SGCZ: variants seen among roughly 807,000 people sequenced by gnomAD.
SGCZ encodes sarcoglycan zeta, also known as zeta-sarcoglycan.
A neutral mutation model predicts 41.3 loss-of-function variants in SGCZ; 40 were observed. The observed-to-expected ratio is 0.97, with a 90% CI of 0.75 to 1.26. The LOEUF (loss-of-function observed/expected upper bound fraction) is 1.26, where lower values mean the gene tolerates loss of function less well. Ranked by LOEUF, SGCZ falls within the 50% of genes most tolerant of loss-of-function variation. The pLI is 0.00. For synonymous variants in SGCZ, 206 were observed against 137.5 expected (o/e 1.50, Z -3.49); for missense variants, 552 against 369.8 (o/e 1.49, Z -4.04).
intron 1 of SGCZ, among the ~76,000 whole-genome samples, chr8:14,972,112 T>A (rs1158728168): frequency 1.3e-5 from 2 of 152,178 alleles, no homozygotes; most frequent in African/African-American, 2.4e-5. Context: ...TTTGGTATTA[T>A]TTCTTCCTTA....
intron 2 of SGCZ, among the ~76,000 whole-genome samples, chr8:14,506,761 A>C (rs2117064479): frequency 6.6e-6 from 1 of 152,234 alleles, no homozygotes; most frequent in Non-Finnish European, 1.5e-5. Flanking sequence ...TTTTATTTAA[A>C]CCAACGACAG....
At chr8:14,598,491 CTA>C (rs1042379136) in intron 1 of SGCZ, among the ~76,000 whole-genome samples, 4 of 147,894 alleles carry the variant, frequency 2.7e-5, no homozygotes, top group South Asian at 2.1e-4. Flanking sequence ...CTCTCTCTCT[CTA>C]TATATATACA....
intron 1 of SGCZ, among the ~76,000 whole-genome samples, chr8:14,889,486 T>C (rs974930811): frequency 1.1e-4 from 17 of 152,114 alleles, no homozygotes; most frequent in African/African-American, 3.9e-4. Flanking sequence ...TCACACTTCA[T>C]ATGTGTAAAC....
At chr8:14,706,856 T>C (rs1009299541) in intron 1 of SGCZ, among the ~76,000 whole-genome samples, 3 of 152,062 alleles carry the variant, frequency 2.0e-5, no homozygotes, top group African/African-American at 7.2e-5. Context: ...GTTAGTTTGA[T>C]TCAAATCTCT....
chr8:15,004,618 T>A (rs1208542762), intron 1 of SGCZ, among the ~76,000 whole-genome samples: 1 of 152,230 alleles, frequency 6.6e-6, no homozygotes, highest in Admixed American at 6.5e-5. Context: ...CGTTTCTCGC[T>A]ATATAAACTC....
intron 1 of SGCZ, among the ~76,000 whole-genome samples, chr8:15,010,913 G>C (rs1802804001): frequency 6.6e-6 from 1 of 152,144 alleles, no homozygotes; most frequent in African/African-American, 2.4e-5. Flanking sequence ...TCAAACTTTA[G>C]ATCCCTGGCT....
At chr8:14,784,851 G>A (rs1800704375) in intron 1 of SGCZ, among the ~76,000 whole-genome samples, 5 of 134,634 alleles carry the variant, frequency 3.7e-5, no homozygotes, top group African/African-American at 1.1e-4. Context: ...GTGGTGAGCC[G>A]AGATCATGCC....
chr8:14,921,213 A>G (rs1423287738), intron 1 of SGCZ, among the ~76,000 whole-genome samples: 2 of 152,150 alleles, frequency 1.3e-5, no homozygotes, highest in Non-Finnish European at 2.9e-5. Flanking sequence ...AGCAGCCCCA[A>G]ACAATGCTCC....
chr8:14,193,798 T>C lies in SGCZ; in HGVS notation c.425-29096A>G, dbSNP rs547755334. Among the ~76,000 whole-genome samples the C allele has an allele frequency of 8.8e-4, 134 of 152,068 alleles. 1 individual carries two copies. The highest frequency in any genetic ancestry group is 3.0e-3 in the African/African-American group (125 of 41,562). On this transcript the variant is annotated intron_variant, in intron 4 of 7. Coordinates refer to ENST00000382080, the MANE Select transcript of SGCZ (RefSeq NM_139167.4). ...TGTCCAGTCCAACATGTATTTGTTT[T>C]GTATTTGCATAAAATTATTCTGATA...
At chr8:14,618,882 G>C (rs1056540214) in intron 1 of SGCZ, among the ~76,000 whole-genome samples, 13 of 152,094 alleles carry the variant, frequency 8.5e-5, no homozygotes, top group African/African-American at 2.9e-4. Context: ...TTTGGCCTAA[G>C]CAAATTAACA....
chr8:14,879,057 G>T (rs527617900), intron 1 of SGCZ: 4 of 152,228 alleles, frequency 2.6e-5, no homozygotes, highest in Admixed American at 2.6e-4. Flanking sequence ...AGGTGTGGTG[G>T]CTCATGCCTG....
chr8:14,354,371 A>T (rs1023603163), intron 2 of SGCZ, among the ~76,000 whole-genome samples: 1 of 151,886 alleles, frequency 6.6e-6, no homozygotes, highest in Admixed American at 6.6e-5. Context: ...GTAGAAAAGA[A>T]TTTTTTAAAA....
intron 4 of SGCZ, among the ~76,000 whole-genome samples, chr8:14,230,362 A>G (rs1172564117): frequency 6.6e-6 from 1 of 152,138 alleles, no homozygotes; most frequent in East Asian, 1.9e-4. Flanking sequence ...CATAATGCAT[A>G]CTATGCTCCA....
chr8:14,845,679 A>G (rs1047793400), intron 1 of SGCZ, among the ~76,000 whole-genome samples: 1 of 152,248 alleles, frequency 6.6e-6, no homozygotes, highest in Non-Finnish European at 1.5e-5. Flanking sequence ...GATGACAACT[A>G]CAACATCTTG....
chr8:14,115,958 G>A (rs536610934), intron 5 of SGCZ, among the ~76,000 whole-genome samples: 4 of 151,924 alleles, frequency 2.6e-5, no homozygotes, highest in Admixed American at 2.6e-4. Context: ...CCACTGGCAG[G>A]TCATACCGAC....
chr8:14,982,403 C>T (rs1271908675), intron 1 of SGCZ, among the ~76,000 whole-genome samples: 1 of 152,162 alleles, frequency 6.6e-6, no homozygotes, highest in African/African-American at 2.4e-5. Context: ...ACCTCAGTCT[C>T]ATCATACAGA....
intron 1 of SGCZ, among the ~76,000 whole-genome samples, chr8:14,712,313 C>T (rs975683708): frequency 1.3e-5 from 2 of 152,212 alleles, no homozygotes; most frequent in African/African-American, 4.8e-5. Flanking sequence ...ATGCTGTCTA[C>T]TCAAGTAAAC....
intron 1 of SGCZ, among the ~76,000 whole-genome samples, chr8:14,805,725 C>T (rs561517899): frequency 1.2e-4 from 18 of 152,082 alleles, no homozygotes; most frequent in South Asian, 1.0e-3. Context: ...CTGTACCAAG[C>T]GGACGTAATA....
chr8:14,394,151 T>TCCC (rs1563300655), intron 2 of SGCZ, among the ~76,000 whole-genome samples: 18 of 65,648 alleles, frequency 2.7e-4, no homozygotes, highest in African/African-American at 1.5e-3. Context: ...ACCTTTTTTT[T>TCCC]TTTTTTTTTT....
Sources: gnomAD v4.1 joint callset for allele counts (sites outside exome capture counted in the v4.1 genomes callset) on GRCh38, gnomAD v4.1.1 for gene constraint, MANE v1.5 for transcripts, NCBI Gene and HGNC (gene_info 2026-07-23, HGNC 2026-07-21) for gene names.